SYTL2: variants seen among roughly 807,000 people sequenced by gnomAD.
The protein encoded by SYTL2 is synaptotagmin-like protein 2.
In SYTL2, 165 loss-of-function variants were observed where a neutral mutation model predicts 198.7. The ratio of observed to expected loss-of-function variants is 0.83; its 90% CI spans 0.73 to 0.94. The LOEUF (loss-of-function observed/expected upper bound fraction) is 0.94. Ranked by LOEUF, SYTL2 falls within the 40% of genes least tolerant of loss-of-function variation. The pLI, the probability that SYTL2 is intolerant of heterozygous loss-of-function variation, is 0.00. For synonymous variants in SYTL2, 966 were observed against 917.7 expected, an observed-to-expected ratio of 1.05 and a Z score of -0.95; for missense variants, 2,835 against 2,582.8, an observed-to-expected ratio of 1.10 and a Z score of -2.12.
In SYTL2 at chr11:85,734,273, C is replaced by G. The variant is rs775095689; in HGVS notation, c.1056G>C (p.Arg352=). ...CTAAAACACTAAATTCTCCTACTTCCCGACCATGGATTAGCCCAGGACTCT... is the reference window on the plus strand; with the variant it reads ...CTAAAACACTAAATTCTCCTACTTCGCGACCATGGATTAGCCCAGGACTCT... ...LPQSPGLIHG[R]EVGEFSVLES... is the part of the protein sequence containing the mutation. The change falls in exon 7 of 20, where the codon CGG becomes CGC. Residue 352 remains arginine, a synonymous_variant. Coordinates refer to ENST00000359152, the MANE Select transcript of SYTL2 (RefSeq NM_206927.4). The G allele has an allele frequency of 1.2e-6, 2 of 1,614,160 alleles. No individual in the cohort carries two copies. Among genetic ancestry groups the G allele is most frequent in the Admixed American group, 3.3e-5 (2 of 60,022 alleles).
chr11:85,817,610 C>T, the SYTL2 span, among the ~76,000 whole-genome samples: 1 of 152,132 alleles, frequency 6.6e-6, no homozygotes, highest in Non-Finnish European at 1.5e-5. Context: ...TGACTGGGTA[C>T]ATTCCCTACC....
chr11:85,848,895 G>A, the SYTL2 span, among the ~76,000 whole-genome samples: 4 of 151,414 alleles, frequency 2.6e-5, no homozygotes, highest in Admixed American at 1.3e-4. Context: ...AAGTAAGAAG[G>A]AAAAAAAAGA....
the SYTL2 span, among the ~76,000 whole-genome samples, chr11:85,826,874 T>C: frequency 2.0e-5 from 3 of 152,184 alleles, no homozygotes; most frequent in Admixed American, 2.0e-4. Flanking sequence ...ACAGTGAAAG[T>C]GGGAAAGTGA....
chr11:85,836,847 C>T, the SYTL2 span, among the ~76,000 whole-genome samples: 1 of 152,100 alleles, frequency 6.6e-6, no homozygotes, highest in African/African-American at 2.4e-5. Context: ...CACACAGATA[C>T]ATAGATAGAT....
chr11:85,751,891 C>T (rs750612458), intron 2 of SYTL2, among the ~76,000 whole-genome samples: 3 of 152,210 alleles, frequency 2.0e-5, no homozygotes, highest in Non-Finnish European at 4.4e-5. Flanking sequence ...CATTAATTCC[C>T]ATACCAGCCA....
At position 85,698,064 on chromosome 11, in the gene SYTL2, T is replaced by C. The variant is rs201957815; in HGVS notation, c.6283A>G (p.Thr2095Ala). Residue 2095 changes from threonine to alanine, a missense_variant, in exon 18 of 20, where the codon ACA becomes GCA. Transcript: ENST00000359152. ...PEPVPGKKLPTTGEVHIWVKE... is the reference protein window; with the variant it reads ...PEPVPGKKLPATGEVHIWVKE... ...ACCCAGATGTGCACTTCTCCAGTTG[T>C]AGGAAGCTTTTTACCTACAATAGAA... 6.2e-7 allele frequency: 1 copy of C among 1,613,302 alleles called. No individual in the cohort carries two copies. Among genetic ancestry groups the C allele is most frequent in the East Asian group, 2.2e-5 (1 of 44,860 alleles).
rs555016332 is a variant in SYTL2, at chr11:85,727,271, T to A, written c.2087A>T (p.Glu696Val). 2 of 1,535,076 alleles carry A rather than the reference T, an allele frequency of 1.3e-6. No individual in the cohort carries two copies. The highest frequency in any genetic ancestry group is 2.4e-5 in the South Asian group (2 of 83,740). The change falls in exon 8 of 20, where the codon GAA becomes GTA. Residue 696 changes from glutamate to valine, a missense_variant. Transcript: ENST00000359152. ...TTCATGAGCATGAAACTTGGGTTCT[T>A]CTTCACCCAAGTTGCCAATATTATT... is the stretch of plus-strand genomic sequence containing the variant. ...NTNNIGNLGE[E>V]EPKFHAHEEN... is the part of the protein sequence containing the mutation.
At chr11:85,789,882 T>C (rs545225691) in intron 1 of SYTL2, among the ~76,000 whole-genome samples, 1 of 152,286 alleles carries the variant, frequency 6.6e-6, no homozygotes, top group East Asian at 1.9e-4. Context: ...GTATACAGTA[T>C]AGATCCTTCA....
chr11:85,789,612 G>A (rs2153622074), intron 1 of SYTL2, among the ~76,000 whole-genome samples: 1 of 151,324 alleles, frequency 6.6e-6, no homozygotes, highest in East Asian at 1.9e-4. Flanking sequence ...ATACTTATTA[G>A]GTACTTACTA....
the SYTL2 span, among the ~76,000 whole-genome samples, chr11:85,847,136 C>T: frequency 1.3e-5 from 2 of 152,156 alleles, no homozygotes; most frequent in African/African-American, 4.8e-5. Context: ...CAAATCTATA[C>T]ACCCTTGTAA....
At chr11:85,729,096 C>A (rs1466494130) in intron 7 of SYTL2, among the ~76,000 whole-genome samples, 1 of 152,166 alleles carries the variant, frequency 6.6e-6, no homozygotes, top group Non-Finnish European at 1.5e-5. Context: ...AAAGCAAGTT[C>A]TTAGAAACCT....
the SYTL2 span, among the ~76,000 whole-genome samples, chr11:85,842,064 G>A: frequency 1.3e-5 from 2 of 152,178 alleles, no homozygotes. Flanking sequence ...GTGGTATAAT[G>A]GTGAAGCAGA....
chr11:85,735,568 C>T (rs1278229722), intron 6 of SYTL2, among the ~76,000 whole-genome samples: 1 of 152,026 alleles, frequency 6.6e-6, no homozygotes, highest in Admixed American at 6.5e-5. Context: ...ACCAGCCTGG[C>T]CAAAAGGGTG....
At position 85,739,340 on chromosome 11, in the gene SYTL2, C is replaced by T. The variant is rs546136854; in HGVS notation, c.390-1684G>A. On this transcript the variant is annotated intron_variant, in intron 4 of 19. Coordinates refer to ENST00000359152, the MANE Select transcript of SYTL2 (RefSeq NM_206927.4). ...AGGTATTAAACAAAATGTCTGTTTC[C>T]GCTATTCGGAAAGAAAAAGAGAGGA... 6.0e-5 allele frequency among the ~76,000 whole-genome samples: 9 copies of T among 149,444 alleles called. No homozygotes were observed. In the South Asian group the frequency reaches 8.4e-4, roughly 14 times the overall value.
chr11:85,696,696 G>A (rs2083455923), intron 18 of SYTL2, among the ~76,000 whole-genome samples: 2 of 152,164 alleles, frequency 1.3e-5, no homozygotes, highest in South Asian at 4.1e-4. Context: ...GAATGGTGAT[G>A]CTGATTTCAT....
chr11:85,846,904 T>C, the SYTL2 span, among the ~76,000 whole-genome samples: 1 of 151,680 alleles, frequency 6.6e-6, no homozygotes, highest in Non-Finnish European at 1.5e-5. Flanking sequence ...CCAGCTAATT[T>C]TGTATTTTCA....
intron 1 of SYTL2, among the ~76,000 whole-genome samples, chr11:85,787,407 T>C (rs2092652568): frequency 6.6e-6 from 1 of 152,204 alleles, no homozygotes; most frequent in African/African-American, 2.4e-5. Flanking sequence ...TTAGTAACTT[T>C]ATGGTTTTTT....
the SYTL2 span, among the ~76,000 whole-genome samples, chr11:85,828,364 C>G: frequency 6.6e-6 from 1 of 152,174 alleles, no homozygotes; most frequent in African/African-American, 2.4e-5. Flanking sequence ...AAAATGATCT[C>G]TTTAGATAGT....
Position 85,748,406 on chromosome 11 carries a change from A to AT in SYTL2, c.118dup (p.Ile40AsnfsTer2). ...ATTCTTCAGCTGCTGGTCATCCTTA[A>AT]TTTTTTCAGGCAAATGTCTACAAAA... On this transcript the variant is annotated frameshift_variant, in exon 3 of 20. Coordinates refer to ENST00000359152, the MANE Select transcript of SYTL2 (RefSeq NM_206927.4). LOFTEE classifies it high-confidence loss of function. The AT allele has an allele frequency of 6.2e-7, 1 of 1,613,756 alleles. No homozygotes were observed. Among genetic ancestry groups the AT allele is most frequent in the Non-Finnish European group, 8.5e-7 (1 of 1,179,862 alleles).
Sources: allele counts gnomAD v4.1 joint callset (sites outside exome capture counted in the v4.1 genomes callset), GRCh38; gene constraint gnomAD v4.1.1; transcripts MANE v1.5; gene names NCBI Gene and HGNC (gene_info 2026-07-23, HGNC 2026-07-21).